The following SPTBN4 variants were observed in gnomAD, a reference collection of about 807,000 sequenced individuals.
SPTBN4 encodes the protein spectrin beta, non-erythrocytic 4.
SPTBN4 carries 96 observed loss-of-function variants against 277.8 expected under a neutral mutation model. The ratio of observed to expected loss-of-function variants is 0.35; its 90% CI spans 0.29 to 0.41. The LOEUF is 0.41. SPTBN4 is among the 10% of genes least tolerant of loss of function. SPTBN4 has a pLI of 1.00. For missense variants in SPTBN4, 3,006 were observed against 3,595.7 expected (o/e 0.84, Z 4.19); for synonymous variants, 1,481 against 1,580.3 (o/e 0.94, Z 1.49).
intron 2 of SPTBN4, among the ~76,000 whole-genome samples, chr19:40,473,423 T>C (rs1262074289): frequency 2.8e-5 from 4 of 141,112 alleles, no homozygotes. Context: ...AGTGGCGCGA[T>C]CTCGGCTCAC....
rs1568803668 is a variant in SPTBN4 at position 40,519,992 on chromosome 19, C to T, written c.3495C>T (p.Gly1165=). The T allele has an allele frequency of 2.6e-6, 4 of 1,560,666 alleles. No individual in the cohort carries two copies. The highest frequency in any genetic ancestry group is 3.5e-6 in the Non-Finnish European group (4 of 1,158,608). Residue 1165 remains glycine (G), a synonymous_variant, in exon 16 of 36, where the codon GGC becomes GGT. Transcript: ENST00000598249. The surrounding 1 kb of genome is among the most constrained non-coding windows in gnomAD (Gnocchi z 5.7). ...TGGCCGCCGACGGCGCAGAGCTGGG[C>T]CCGGGCCTGGCACTAGACGAGTGGC... ...ALLAADGAEL[G]PGLALDEWLP...
intron 2 of SPTBN4, 103 bp from the exon 3 acceptor site, chr19:40,487,594 G>A (rs2080086921): frequency 7.1e-7 from 1 of 1,415,704 alleles, no homozygotes; most frequent in Admixed American, 2.4e-5. Flanking sequence ...ATCCGCCTGT[G>A]AGGCTGGACT....
intron 4 of SPTBN4, among the ~76,000 whole-genome samples, chr19:40,491,421 AG>A (rs2080134093): frequency 6.6e-6 from 1 of 151,994 alleles, no homozygotes. Context: ...CATTTTATCA[AG>A]GGGAGGTGCA....
chr19:40,557,209 C>G lies in SPTBN4; in HGVS notation c.5476C>G (p.Arg1826Gly), dbSNP rs774593051. The G allele has an allele frequency of 6.2e-7, 1 of 1,610,562 alleles. No homozygotes were observed. The highest frequency in any genetic ancestry group is 1.7e-5 in the Admixed American group (1 of 59,748). The change falls in exon 26 of 36, where the codon CGG (arginine) becomes GGG (glycine). Residue 1826 changes from arginine (R) to glycine (G), a missense_variant. By Grantham distance (125) the Arg-to-Gly change is moderately radical. Coordinates refer to ENST00000598249, the MANE Select transcript of SPTBN4 (RefSeq NM_020971.3). Reference protein sequence around the residue: ...WAELLELMGTRAQLLAASREL... With the variant: ...WAELLELMGTGAQLLAASREL... ...TGAGCTGCTGGAGCTCATGGGCACA[C>G]GGGCCCAGCTGCTGGCCGCCTCTCG...
At chr19:40,480,882 G>A (rs1599713712) in intron 2 of SPTBN4, among the ~76,000 whole-genome samples, 1 of 152,294 alleles carries the variant, frequency 6.6e-6, no homozygotes, top group East Asian at 1.9e-4. Flanking sequence ...GGGCAATACA[G>A]TGAGACCCCA....
chr19:40,491,713 C>CAAAAAAAAAAAAAAAAAA (rs35237688), intron 4 of SPTBN4, among the ~76,000 whole-genome samples: 1 of 38,818 alleles, frequency 2.6e-5, no homozygotes, highest in Non-Finnish European at 4.4e-5. Context: ...GACTCTGTCT[C>CAAAAAAAAAAAAAAAAAA]AAAAAAAAAA....
At chr19:40,471,495 A>G (rs547606495) in intron 1 of SPTBN4, among the ~76,000 whole-genome samples, 9 of 152,356 alleles carry the variant, frequency 5.9e-5, no homozygotes, top group African/African-American at 2.2e-4. Context: ...AACAGTGACA[A>G]TTTGCTGAGC....
chr19:40,495,018 C>G, intron 6 of SPTBN4, 41 bp downstream of exon 6: 1 of 1,579,036 alleles, frequency 6.3e-7, no homozygotes. Flanking sequence ...GCCCTTCAGC[C>G]CCCCATATCC....
At chr19:40,485,045 G>A (rs758131384) in intron 2 of SPTBN4, among the ~76,000 whole-genome samples, 41 of 151,820 alleles carry the variant, frequency 2.7e-4, no homozygotes, top group Non-Finnish European at 7.4e-5. Flanking sequence ...GTTTCACCAT[G>A]TTGGCCAGGC....
chr19:40,527,380 A>C (rs567457885), intron 17 of SPTBN4, among the ~76,000 whole-genome samples: 1 of 152,280 alleles, frequency 6.6e-6, no homozygotes, highest in South Asian at 2.1e-4. Context: ...TTTTCTAAGC[A>C]TTGGGGACAC....
chr19:40,561,296 A>C (rs894344794), intron 27 of SPTBN4, among the ~76,000 whole-genome samples: 1 of 152,118 alleles, frequency 6.6e-6, no homozygotes, highest in Non-Finnish European at 1.5e-5. Flanking sequence ...TACAGGCATA[A>C]GCCACCGTGC....
chr19:40,488,058 C>A (rs577658318), intron 3 of SPTBN4, among the ~76,000 whole-genome samples: 23 of 151,722 alleles, frequency 1.5e-4, no homozygotes, highest in Non-Finnish European at 2.7e-4. Flanking sequence ...AGCCTGGGCG[C>A]GTGGCTGGAA....
In SPTBN4 at chr19:40,502,267, A is replaced by G. The variant is rs1022979872; in HGVS notation, c.1037A>G (p.Gln346Arg). 4.3e-6 allele frequency: 7 copies of G among 1,613,606 alleles called. No homozygotes were observed. The African/African-American group carries it at 9.3e-5, about 22-fold the overall frequency. Residue 346 changes from glutamine to arginine, a missense_variant, in exon 9 of 36, where the codon CAG becomes CGG. Physicochemically the swap from Gln to Arg is conservative, Grantham distance 43. Transcript: ENST00000598249. This position sits in a 1 kb window ranked among gnomAD's most constrained non-coding sequence, Gnocchi z 4.9. ...GCCAACTCCTTAAGTGGGGTGCAGC[A>G]GCAACTCCAGGCTTTCACGGCCTAT... ...KFANSLSGVQ[Q>R]QLQAFTAYCT...
Position 40,519,851 on chromosome 19 carries a change from G to A in SPTBN4, c.3354G>A (p.Leu1118=), listed in dbSNP as rs201389714. 7,016 of 1,456,110 alleles carry A rather than the reference G, an allele frequency of 4.8e-3. 23 individuals carry two copies. Among genetic ancestry groups the A allele is most frequent in the Non-Finnish European group, 5.8e-3 (6,507 of 1,117,346 alleles). 90.2% of individuals were successfully genotyped at this position (1,456,110 alleles called of 1,614,324 possible). Residue 1118 remains leucine (L), a synonymous_variant, in exon 16 of 36, where the codon CTG becomes CTA. Transcript: ENST00000598249. This position sits in a 1 kb window ranked among gnomAD's most constrained non-coding sequence, Gnocchi z 5.7. ...QEAAGGSEGP[L]PNSLEEADAL... ...CGGCGGGCGGCAGCGAGGGGCCCCT[G>A]CCCAACAGCCTAGAAGAGGCGGACG...
chr19:40,501,046 A>G (rs539926434), intron 7 of SPTBN4, among the ~76,000 whole-genome samples: 1 of 152,232 alleles, frequency 6.6e-6, no homozygotes, highest in South Asian at 2.1e-4. Flanking sequence ...ATTATCAACT[A>G]TAGACAGAGT....
At chr19:40,565,632 C>T (rs1209827798) in intron 28 of SPTBN4, 29 bp from the exon 29 acceptor site, 4 of 1,557,972 alleles carry the variant, frequency 2.6e-6, no homozygotes, top group East Asian at 2.4e-5. Flanking sequence ...CACACCCTGA[C>T]TTCCCTCCCA....
At position 40,549,275 on chromosome 19, in the gene SPTBN4, C is replaced by G; in HGVS notation, c.4446C>G (p.Ser1482Arg). 6.5e-7 allele frequency: 1 copy of G among 1,545,264 alleles called. No individual in the cohort carries two copies. Among genetic ancestry groups the G allele is most frequent in the Non-Finnish European group, 8.7e-7 (1 of 1,146,552 alleles). ...QTAALPLEPA[S>R]KELVGERQNA... Reference sequence around the variant, plus strand: ...CGGCGCTGCCGCTGGAGCCGGCGAGCAAGGAGCTGGTGGGTGAGCGGCAGA... The same window carrying G: ...CGGCGCTGCCGCTGGAGCCGGCGAGGAAGGAGCTGGTGGGTGAGCGGCAGA... Residue 1482 changes from serine (S) to arginine (R), a missense_variant, in exon 21 of 36, where the codon AGC becomes AGG. By Grantham distance (110) the Ser-to-Arg change is moderately radical. Transcript: ENST00000598249.
chr19:40,559,503 A>C (rs2081020164), intron 26 of SPTBN4, among the ~76,000 whole-genome samples: 1 of 152,166 alleles, frequency 6.6e-6, no homozygotes, highest in South Asian at 2.1e-4. Flanking sequence ...ATATGTATAT[A>C]TCCTGATACA....
chr19:40,571,789 G>A, intron 33 of SPTBN4: 1 of 440,584 alleles, frequency 2.3e-6, no homozygotes, highest in South Asian at 6.0e-5. Context: ...GAGGGGATAA[G>A]GAAGGGAAAT....
Sources: gnomAD v4.1 joint callset for allele counts (sites outside exome capture counted in the v4.1 genomes callset) on GRCh38, gnomAD v4.1.1 for gene constraint, Gnocchi (gnomAD v3.1) non-coding constraint, MANE v1.5 for transcripts, NCBI Gene and HGNC (gene_info 2026-07-23, HGNC 2026-07-21) for gene names.